Variants in ANK3 observed in about 807,000 individuals in gnomAD.
ANK3 encodes the protein ankyrin 3.
In ANK3, 57 loss-of-function variants were observed where a neutral mutation model predicts 370.9. That is an observed-to-expected ratio of 0.15 (90% CI 0.12 to 0.19). ANK3 has a LOEUF of 0.19. Ranked by LOEUF, ANK3 falls within the 10% of genes least tolerant of loss-of-function variation. The pLI is 1.00. For synonymous variants in ANK3, 1,929 were observed against 1,946.3 expected, an observed-to-expected ratio of 0.99 and a Z score of 0.23; for missense variants, 4,439 against 5,302.1, an observed-to-expected ratio of 0.84 and a Z score of 5.06.
At chr10:60,306,593 A>T (rs1310937895) in intron 1 of ANK3, among the ~76,000 whole-genome samples, 2 of 152,114 alleles carry the variant, frequency 1.3e-5, no homozygotes, top group Non-Finnish European at 2.9e-5. Context: ...GATACCCAGT[A>T]GTGGGATCGT....
chr10:60,089,373 C>A (rs954161373), intron 28 of ANK3, among the ~76,000 whole-genome samples: 2 of 152,038 alleles, frequency 1.3e-5, no homozygotes, highest in African/African-American at 2.4e-5. Context: ...CTCCTGTCAC[C>A]CGGGTGTTCA....
At chr10:60,552,807 G>A (rs1183903291) in intron 2 of ANK3, among the ~76,000 whole-genome samples, 4 of 152,144 alleles carry the variant, frequency 2.6e-5, no homozygotes, top group East Asian at 1.9e-4. Context: ...GTTGTGGGAC[G>A]GACCCGGTGG....
At chr10:60,059,676 C>G in intron 40 of ANK3, 1 of 1,585,946 alleles carries the variant, frequency 6.3e-7, no homozygotes, top group Non-Finnish European at 8.6e-7. Flanking sequence ...AGCCAAATTT[C>G]CAAGGTATTG....
At chr10:60,592,750 G>A (rs2077934504) in intron 2 of ANK3, among the ~76,000 whole-genome samples, 1 of 152,090 alleles carries the variant, frequency 6.6e-6, no homozygotes, top group South Asian at 2.1e-4. Flanking sequence ...GCGACAGAGT[G>A]AGACTCCGTT....
chr10:60,338,078 G>A (rs1207589729), intron 1 of ANK3, among the ~76,000 whole-genome samples: 1 of 152,116 alleles, frequency 6.6e-6, no homozygotes, highest in East Asian at 1.9e-4. Context: ...AGATGTACCT[G>A]TGTTCCTGTT....
chr10:60,250,219 C>T (rs2097629498), intron 7 of ANK3, among the ~76,000 whole-genome samples: 1 of 140,496 alleles, frequency 7.1e-6, no homozygotes, highest in Non-Finnish European at 1.6e-5. Context: ...AGAAGAATCA[C>T]CTGAGGAACT....
At chr10:60,577,135 G>T (rs1247502382) in intron 2 of ANK3, among the ~76,000 whole-genome samples, 1 of 152,152 alleles carries the variant, frequency 6.6e-6, no homozygotes, top group Non-Finnish European at 1.5e-5. Flanking sequence ...TCAGAGAAGG[G>T]AACAGTACAA....
intron 1 of ANK3, among the ~76,000 whole-genome samples, chr10:60,324,839 C>G (rs1593772389): frequency 6.6e-6 from 1 of 152,026 alleles, no homozygotes; most frequent in Non-Finnish European, 1.5e-5. Context: ...CTGCTATATC[C>G]CTAGTGCCTA....
chr10:60,687,774 G>T (rs1479270532), intron 1 of ANK3, among the ~76,000 whole-genome samples: 2 of 152,170 alleles, frequency 1.3e-5, no homozygotes, highest in Non-Finnish European at 2.9e-5. Flanking sequence ...TATGTTCACT[G>T]CAAACTATTC....
At chr10:60,452,325 C>T (rs545431398) in intron 2 of ANK3, among the ~76,000 whole-genome samples, 5 of 152,326 alleles carry the variant, frequency 3.3e-5, no homozygotes, top group African/African-American at 9.6e-5. Context: ...ACCCTCAGCA[C>T]GAGAGTTGCT....
chr10:60,068,246 A>G (rs1262879434), intron 37 of ANK3, among the ~76,000 whole-genome samples: 1 of 152,224 alleles, frequency 6.6e-6, no homozygotes, highest in African/African-American at 2.4e-5. Context: ...CATGCTGACG[A>G]GCTAGCTAGT....
chr10:60,085,098 T>G, intron 31 of ANK3, 59 bp downstream of exon 31: 1 of 1,412,508 alleles, frequency 7.1e-7, no homozygotes. Flanking sequence ...AATTTTTACT[T>G]TCCAAAAGGT....
At chr10:60,434,753 A>AAATCATTGCATT (rs1220355368) in intron 2 of ANK3, among the ~76,000 whole-genome samples, 1 of 152,242 alleles carries the variant, frequency 6.6e-6, no homozygotes, top group African/African-American at 2.4e-5. Context: ...GCATTTTTGC[A>AAATCATTGCATT]GAAGCTCAAA....
At position 60,208,080 on chromosome 10, in the gene ANK3, T is replaced by G; in HGVS notation, c.1150A>C (p.Lys384Gln). ...TTAGCTTTCTTATCCAAGAGAACCT[T>G]GGCAACTTTGTAATGGCCACAGTGG... ...AAHCGHYKVAKVLLDKKANPN... is the reference protein window; with the variant it reads ...AAHCGHYKVAQVLLDKKANPN... The change falls in exon 10 of 44, where the codon AAG becomes CAG. Residue 384 changes from lysine to glutamine, a missense_variant. By Grantham distance (53) the Lys-to-Gln change is moderately conservative. This residue lies in a region of ANK3 where 227 missense variants were observed against 377.6 expected (regional missense o/e 0.60). Transcript: ENST00000280772. 1 of 1,614,068 alleles carries G rather than the reference T, an allele frequency of 6.2e-7. No homozygotes were observed. The highest frequency in any genetic ancestry group is 8.5e-7 in the Non-Finnish European group (1 of 1,179,982).
intron 27 of ANK3, among the ~76,000 whole-genome samples, chr10:60,107,387 T>C (rs2132090539): frequency 6.6e-6 from 1 of 152,314 alleles, no homozygotes; most frequent in East Asian, 1.9e-4. Flanking sequence ...ATTTAAGGAA[T>C]GTGGCTTTAT....
chr10:60,296,127 C>T (rs897103764), intron 1 of ANK3, among the ~76,000 whole-genome samples: 10 of 152,182 alleles, frequency 6.6e-5, no homozygotes, highest in Non-Finnish European at 1.0e-4. Context: ...AGATCAGGAT[C>T]ACTCTAATCA....
At chr10:60,278,708 C>A (rs1418412938) in intron 4 of ANK3, 66 bp downstream of exon 4, 9 of 1,286,680 alleles carry the variant, frequency 7.0e-6, no homozygotes, top group Non-Finnish European at 1.0e-5. Context: ...TAAGCAAGCA[C>A]CTGACCCAAA....
At chr10:60,588,532 A>G (rs2077866283) in intron 2 of ANK3, among the ~76,000 whole-genome samples, 1 of 152,114 alleles carries the variant, frequency 6.6e-6, no homozygotes, top group Non-Finnish European at 1.5e-5. Context: ...TGCAGGAGAT[A>G]GAGGCACATG....
Position 60,029,315 on chromosome 10 carries a change from T to A in ANK3, c.*531A>T, listed in dbSNP as rs1564485744. On this transcript the variant is annotated 3_prime_UTR_variant, in exon 44 of 44. Coordinates refer to ENST00000280772, the MANE Select transcript of ANK3 (RefSeq NM_020987.5). ...TAAGAGGCAGTGCCTTATCAACATT[T>A]TATTCTATTTTTCTGTTAGAATTTA... The A allele has an allele frequency of 6.6e-6, 1 of 152,618 alleles. No individual in the cohort carries two copies. Among genetic ancestry groups the A allele is most frequent in the East Asian group, 1.9e-4 (1 of 5,196 alleles). 9.5% of individuals were successfully genotyped at this position (152,618 alleles called of 1,614,324 possible).
Sources: gnomAD v4.1 joint callset for allele counts (sites outside exome capture counted in the v4.1 genomes callset) on GRCh38, gnomAD v4.1.1 for gene constraint, gnomAD v4.1.1 regional missense constraint, MANE v1.5 for transcripts, NCBI Gene and HGNC (gene_info 2026-07-23, HGNC 2026-07-21) for gene names.